The following ERC2 variants were observed in gnomAD, a reference collection of about 807,000 sequenced individuals.
The protein encoded by ERC2 is ELKS/RAB6-interacting/CAST family member 2, also known as ERC protein 2.
A neutral mutation model predicts 114.8 loss-of-function variants in ERC2; 42 were observed. The ratio of observed to expected loss-of-function variants is 0.37; its 90% CI spans 0.29 to 0.47. The LOEUF is 0.47. Among genes scored for constraint, ERC2 ranks in the 20% least tolerant of loss-of-function variants. The pLI, the probability that ERC2 is intolerant of heterozygous loss-of-function variation, is 0.99. For synonymous variants in ERC2, 454 were observed against 425.5 expected, an observed-to-expected ratio of 1.07 and a Z score of -0.82; for missense variants, 939 against 1,150.7, an observed-to-expected ratio of 0.82 and a Z score of 2.66.
intron 3 of ERC2, among the ~76,000 whole-genome samples, chr3:56,176,115 G>A (rs2082962176): frequency 6.6e-6 from 1 of 152,194 alleles, no homozygotes; most frequent in Non-Finnish European, 1.5e-5. Context: ...ACTTGTCAGA[G>A]TTTCTCTTAG....
At chr3:55,731,678 C>T (rs2065260106) in intron 15 of ERC2, among the ~76,000 whole-genome samples, 1 of 152,168 alleles carries the variant, frequency 6.6e-6, no homozygotes, top group South Asian at 2.1e-4. Flanking sequence ...AACTGTGAGG[C>T]TGAGCAAGAT....
At chr3:55,808,015 C>T (rs1437018927) in intron 14 of ERC2, among the ~76,000 whole-genome samples, 2 of 152,184 alleles carry the variant, frequency 1.3e-5, no homozygotes, top group Non-Finnish European at 2.9e-5. Flanking sequence ...CATTCCCCAT[C>T]CAGCTGAGTG....
intron 17 of ERC2, among the ~76,000 whole-genome samples, chr3:55,648,204 C>T (rs192308449): frequency 2.1e-4 from 32 of 152,258 alleles, no homozygotes; most frequent in Admixed American, 1.6e-3. Context: ...TTTACTTTCC[C>T]CCAAATTATT....
At chr3:56,016,154 G>T (rs2073292261) in intron 8 of ERC2, among the ~76,000 whole-genome samples, 1 of 152,122 alleles carries the variant, frequency 6.6e-6, no homozygotes, top group Admixed American at 6.6e-5. Context: ...CATTCTGTAG[G>T]TTGTCTGTTT....
intron 3 of ERC2, among the ~76,000 whole-genome samples, chr3:56,295,067 C>T (rs2055342169): frequency 1.3e-5 from 2 of 152,190 alleles, no homozygotes; most frequent in South Asian, 4.1e-4. Flanking sequence ...TTCCGACCAA[C>T]CAAACAAGTG....
intron 13 of ERC2, among the ~76,000 whole-genome samples, chr3:55,893,892 T>C (rs1205879100): frequency 1.3e-5 from 2 of 152,210 alleles, no homozygotes; most frequent in Non-Finnish European, 2.9e-5. Flanking sequence ...CCCTAGCCTC[T>C]GACTCTACTC....
chr3:55,865,660 C>T (rs539949172), intron 14 of ERC2, among the ~76,000 whole-genome samples: 6 of 152,266 alleles, frequency 3.9e-5, no homozygotes, highest in African/African-American at 1.4e-4. Context: ...AATCCATTTT[C>T]TGTCTCTATA....
chr3:55,829,792 T>G lies in ERC2; in HGVS notation c.2564+58597A>C, dbSNP rs192357253. Among the ~76,000 whole-genome samples, 9 of 152,284 alleles carry G rather than the reference T, an allele frequency of 5.9e-5. No homozygotes were observed. The East Asian group carries it at 1.7e-3, about 29-fold the overall frequency. The stretch of plus-strand genomic sequence containing the variant: ...CTCCTGCCTCAGCCTCCCAAAGTAC[T>G]GAGATTACAGGTATAATACACCACA... On this transcript the variant is annotated intron_variant, in intron 14 of 17. Transcript: ENST00000288221.
chr3:55,736,085 TG>T (rs2065617003), intron 14 of ERC2, among the ~76,000 whole-genome samples: 2 of 152,308 alleles, frequency 1.3e-5, no homozygotes, highest in African/African-American at 4.8e-5. Flanking sequence ...CATCACTCAC[TG>T]GGGACCACTA....
chr3:55,603,113 C>T (rs1363650563), intron 17 of ERC2, among the ~76,000 whole-genome samples: 1 of 152,114 alleles, frequency 6.6e-6, no homozygotes, highest in East Asian at 1.9e-4. Flanking sequence ...AGCTGGGAGA[C>T]CTTAAGAAGC....
At chr3:56,244,654 G>C (rs1439047572) in intron 3 of ERC2, among the ~76,000 whole-genome samples, 1 of 152,142 alleles carries the variant, frequency 6.6e-6, no homozygotes, top group African/African-American at 2.4e-5. Context: ...AGTTCATAAA[G>C]TAAGAATATA....
chr3:56,068,083 T>C (rs2076562716), intron 7 of ERC2, among the ~76,000 whole-genome samples: 1 of 152,328 alleles, frequency 6.6e-6, no homozygotes, highest in Non-Finnish European at 1.5e-5. Flanking sequence ...TCCTTCCTTT[T>C]CAATTGTTTG....
chr3:55,976,362 C>T (rs2069590991), intron 12 of ERC2, among the ~76,000 whole-genome samples: 1 of 152,186 alleles, frequency 6.6e-6, no homozygotes, highest in South Asian at 2.1e-4. Context: ...GCTCACCTTT[C>T]ACCCCCTGTT....
At chr3:56,397,446 G>A (rs925963083) in intron 2 of ERC2, among the ~76,000 whole-genome samples, 2 of 151,934 alleles carry the variant, frequency 1.3e-5, no homozygotes, top group African/African-American at 2.4e-5. Context: ...CTACACAAAT[G>A]CATGCATTCC....
intron 15 of ERC2, among the ~76,000 whole-genome samples, chr3:55,714,678 T>TGTATATATATACACAC (rs58346867): frequency 6.2e-4 from 5 of 8,046 alleles, no homozygotes; most frequent in South Asian, 6.8e-3. Context: ...TATATATATA[T>TGTATATATATACACAC]ATATATATAT....
At chr3:56,143,874 A>G (rs989921341) in intron 5 of ERC2, among the ~76,000 whole-genome samples, 5 of 152,226 alleles carry the variant, frequency 3.3e-5, no homozygotes, top group African/African-American at 1.2e-4. Context: ...AACAATAACA[A>G]GCTACTGACA....
At chr3:55,609,280 G>A (rs1298160948) in intron 17 of ERC2, among the ~76,000 whole-genome samples, 4 of 152,182 alleles carry the variant, frequency 2.6e-5, no homozygotes, top group Non-Finnish European at 5.9e-5. Flanking sequence ...AGGTTCCACT[G>A]CAACTCAGGG....
rs555372368 is a variant in ERC2 at position 56,091,926 on chromosome 3, C to T, written c.1474-10942G>A. On this transcript the variant is annotated intron_variant, in intron 6 of 17. Transcript: ENST00000288221. ...ATATAATCCCACTTCTGTGTGCTGA[C>T]TTCATTTAGCAGTCAAAAATTTACA... Among the ~76,000 whole-genome samples, 8 of 151,914 alleles carry T rather than the reference C, an allele frequency of 5.3e-5. No individual in the cohort carries two copies. In the South Asian group the frequency reaches 1.5e-3, roughly 28 times the overall value.
At chr3:56,457,382 T>C (rs2063111039) in intron 1 of ERC2, among the ~76,000 whole-genome samples, 1 of 152,188 alleles carries the variant, frequency 6.6e-6, no homozygotes, top group African/African-American at 2.4e-5. Context: ...TGAATCAGAA[T>C]GGACATTGCT....
Sources: gnomAD v4.1 joint callset for allele counts (sites outside exome capture counted in the v4.1 genomes callset) on GRCh38, gnomAD v4.1.1 for gene constraint, MANE v1.5 for transcripts, NCBI Gene and HGNC (gene_info 2026-07-23, HGNC 2026-07-21) for gene names.